The following ATP9B variants were observed in gnomAD, a reference collection of about 807,000 sequenced individuals.
ATP9B encodes probable phospholipid-transporting ATPase IIB.
A neutral mutation model predicts 146.1 loss-of-function variants in ATP9B; 110 were observed. That is an observed-to-expected ratio of 0.75 (90% confidence interval 0.65 to 0.88). ATP9B has a LOEUF of 0.88. Among genes scored for constraint, ATP9B ranks in the 40% least tolerant of loss-of-function variants. The pLI, the probability that ATP9B is intolerant of heterozygous loss-of-function variation, is 0.00. For missense variants in ATP9B, 1,499 were observed against 1,496.4 expected, an observed-to-expected ratio of 1.00 and a Z score of -0.03; for synonymous variants, 604 against 569.7, an observed-to-expected ratio of 1.06 and a Z score of -0.86.
intron 11 of ATP9B, among the ~76,000 whole-genome samples, chr18:79,223,516 AT>A (rs1218161044): frequency 6.6e-6 from 1 of 152,210 alleles, no homozygotes; most frequent in Non-Finnish European, 1.5e-5. Context: ...ATCAACAGAG[AT>A]AGAAAGACTC....
intron 5 of ATP9B, among the ~76,000 whole-genome samples, chr18:79,141,602 T>C (rs764031044): frequency 6.6e-6 from 1 of 152,244 alleles, no homozygotes; most frequent in Non-Finnish European, 1.5e-5. Context: ...ACTCTGAGAT[T>C]ATTAAATTCT....
At chr18:79,200,770 T>A (rs2095475719) in intron 9 of ATP9B, among the ~76,000 whole-genome samples, 1 of 6,198 alleles carries the variant, frequency 1.6e-4, no homozygotes, top group African/African-American at 8.7e-4. Context: ...AACGTTGGGG[T>A]CAGAGCAGAA....
chr18:79,369,675 C>T (rs915218894), intron 26 of ATP9B, among the ~76,000 whole-genome samples: 2 of 152,218 alleles, frequency 1.3e-5, no homozygotes, highest in South Asian at 4.1e-4. Context: ...GCCACGGTGC[C>T]GATCCTTGCA....
intron 12 of ATP9B, among the ~76,000 whole-genome samples, chr18:79,268,411 C>T (rs1365446105): frequency 6.6e-6 from 1 of 151,938 alleles, no homozygotes; most frequent in Non-Finnish European, 1.5e-5. Context: ...ATATGACTTA[C>T]CTGTTCAATA....
At chr18:79,252,666 G>C (rs2096038523) in intron 11 of ATP9B, among the ~76,000 whole-genome samples, 2 of 152,242 alleles carry the variant, frequency 1.3e-5, no homozygotes, top group Non-Finnish European at 2.9e-5. Context: ...GACATAATTT[G>C]CCCTCACAGT....
chr18:79,169,209 T>C (rs2095031994), intron 7 of ATP9B, among the ~76,000 whole-genome samples: 1 of 152,174 alleles, frequency 6.6e-6, no homozygotes, highest in African/African-American at 2.4e-5. Context: ...ACAGTGAGTT[T>C]TCTTGGTGAT....
chr18:79,076,297 T>G (rs1048624774), intron 1 of ATP9B, among the ~76,000 whole-genome samples: 2 of 152,234 alleles, frequency 1.3e-5, no homozygotes, highest in Non-Finnish European at 2.9e-5. Flanking sequence ...CTTATTTTTG[T>G]TCTGTTTCAG....
chr18:79,364,363 C>T (rs976913884), intron 26 of ATP9B: 3 of 151,714 alleles, frequency 2.0e-5, no homozygotes, highest in Non-Finnish European at 4.4e-5. Context: ...ATCAGTTAGA[C>T]AATGTGTTAT....
chr18:79,178,615 A>G (rs1332935247), intron 8 of ATP9B, among the ~76,000 whole-genome samples: 1 of 152,156 alleles, frequency 6.6e-6, no homozygotes, highest in African/African-American at 2.4e-5. Flanking sequence ...CTGTATCTGT[A>G]GGGATGATCA....
chr18:79,254,618 A>G (rs1330769585), intron 12 of ATP9B: 1 of 152,258 alleles, frequency 6.6e-6, no homozygotes, highest in Non-Finnish European at 1.5e-5. Flanking sequence ...CTTGCTGCTG[A>G]CATAGATTTT....
At chr18:79,232,474 AT>A (rs2095801602) in intron 11 of ATP9B, among the ~76,000 whole-genome samples, 1 of 152,242 alleles carries the variant, frequency 6.6e-6, no homozygotes, top group African/African-American at 2.4e-5. Flanking sequence ...TGCAGCAGAC[AT>A]TGAACACAGA....
intron 7 of ATP9B, among the ~76,000 whole-genome samples, chr18:79,159,367 T>G (rs1568300898): frequency 6.6e-6 from 1 of 152,158 alleles, no homozygotes; most frequent in Non-Finnish European, 1.5e-5. Context: ...TTTACAGCCC[T>G]ACATCAGTCT....
intron 1 of ATP9B, among the ~76,000 whole-genome samples, chr18:79,071,277 G>A (rs1368801583): frequency 2.0e-5 from 3 of 150,946 alleles, no homozygotes; most frequent in African/African-American, 7.3e-5. Flanking sequence ...CATGTCCTGG[G>A]TATCAGATGG....
At chr18:79,083,998 A>G (rs951414167) in intron 1 of ATP9B, among the ~76,000 whole-genome samples, 1 of 151,408 alleles carries the variant, frequency 6.6e-6, no homozygotes, top group African/African-American at 2.4e-5. Flanking sequence ...AGCTGGCACT[A>G]CAGGCACGTG....
chr18:79,247,055 T>C (rs1252720158), intron 11 of ATP9B, among the ~76,000 whole-genome samples: 1 of 152,248 alleles, frequency 6.6e-6, no homozygotes, highest in Non-Finnish European at 1.5e-5. Flanking sequence ...ATTTTTGTTT[T>C]AAATATGGCT....
intron 11 of ATP9B, among the ~76,000 whole-genome samples, chr18:79,247,294 G>A (rs1387361503): frequency 6.6e-6 from 1 of 152,166 alleles, no homozygotes; most frequent in African/African-American, 2.4e-5. Context: ...TTTTGTAAGG[G>A]CGAGCATGAG....
chr18:79,256,248 TCTAG>T lies in ATP9B; in HGVS notation c.1268+2715_1268+2718del, dbSNP rs528046202. ...TATTTTCCCATGCCATTTTGTGAAT[TCTAG>T]CTAGCTATATATATATATATATATA... On this transcript the variant is annotated intron_variant, in intron 12 of 29. Coordinates refer to ENST00000426216, the MANE Select transcript of ATP9B (RefSeq NM_198531.5). 5.0e-3 allele frequency among the ~76,000 whole-genome samples: 639 copies of T among 128,028 alleles called. 17 individuals are homozygous for T. Among genetic ancestry groups the T allele is most frequent in the African/African-American group, 0.017 (570 of 34,170 alleles). The allele number at this position is 128,028 out of a possible 152,430, so 84.0% of individuals were successfully genotyped here.
At chr18:79,255,021 C>T (rs981551814) in intron 12 of ATP9B, 3 of 152,074 alleles carry the variant, frequency 2.0e-5, no homozygotes, top group South Asian at 2.1e-4. Flanking sequence ...TTGTATGTCC[C>T]GTTTGTTGTT....
intron 12 of ATP9B, among the ~76,000 whole-genome samples, chr18:79,266,663 T>G (rs2096207109): frequency 6.6e-6 from 1 of 152,096 alleles, no homozygotes; most frequent in African/African-American, 2.4e-5. Context: ...CATGAATGTA[T>G]TTTAGGAAAT....
Sources: allele counts gnomAD v4.1 joint callset (sites outside exome capture counted in the v4.1 genomes callset), GRCh38; gene constraint gnomAD v4.1.1; transcripts MANE v1.5; gene names NCBI Gene and HGNC (gene_info 2026-07-23, HGNC 2026-07-21).